SNX24: variants seen among roughly 807,000 people sequenced by gnomAD.
SNX24 encodes the protein sorting nexin-24.
In SNX24, 22 loss-of-function variants were observed where a neutral mutation model predicts 28.7. The ratio of observed to expected loss-of-function variants is 0.77; its 90% confidence interval spans 0.55 to 1.10. SNX24 has a LOEUF of 1.10. SNX24 is among the 50% of genes least tolerant of loss of function. The pLI is 0.00. For missense variants in SNX24, 221 were observed against 201.1 expected, an observed-to-expected ratio of 1.10 and a Z score of -0.60; for synonymous variants, 69 against 71.5, an observed-to-expected ratio of 0.96 and a Z score of 0.18.
At chr5:122,913,944 C>T (rs1758040580) in intron 1 of SNX24, among the ~76,000 whole-genome samples, 1 of 152,200 alleles carries the variant, frequency 6.6e-6, no homozygotes, top group Non-Finnish European at 1.5e-5. Flanking sequence ...CCCGTCTCCA[C>T]CAAAAAATTA....
chr5:122,959,007 C>T (rs1456040110), intron 3 of SNX24, among the ~76,000 whole-genome samples: 1 of 152,074 alleles, frequency 6.6e-6, no homozygotes, highest in African/African-American at 2.4e-5. Flanking sequence ...TGCTGGCTAC[C>T]TAGAATGCGT....
At chr5:122,935,193 C>T (rs1759130519) in intron 1 of SNX24, among the ~76,000 whole-genome samples, 1 of 152,100 alleles carries the variant, frequency 6.6e-6, no homozygotes, top group African/African-American at 2.4e-5. Flanking sequence ...TGCTACATAT[C>T]GTCCTGATTT....
At chr5:123,022,151 A>G (rs41401550) in intron 5 of SNX24, among the ~76,000 whole-genome samples, 2,140 of 152,144 alleles carry the variant, frequency 0.014, 46 homozygotes, top group African/African-American at 0.049. Context: ...CCATTGTTGT[A>G]TCCCCAAAAG....
At chr5:122,924,959 C>T (rs3897978) in intron 1 of SNX24, among the ~76,000 whole-genome samples, 42,258 of 150,860 alleles carry the variant, frequency 0.28, 6,488 homozygotes, top group Admixed American at 0.35. Flanking sequence ...CTTCCCTCCC[C>T]ACTCTTCCCT....
intron 3 of SNX24, among the ~76,000 whole-genome samples, chr5:122,996,035 T>C (rs1024393843): frequency 3.3e-5 from 5 of 152,210 alleles, no homozygotes; most frequent in Admixed American, 2.6e-4. Flanking sequence ...TAGAATAATA[T>C]ATAGAAGACA....
downstream of SNX24, among the ~76,000 whole-genome samples, chr5:123,011,020 G>T (rs911274892): frequency 1.3e-5 from 2 of 152,024 alleles, no homozygotes; most frequent in African/African-American, 4.8e-5. Flanking sequence ...GGCCCATATT[G>T]CTCTACAGGT....
chr5:122,956,874 T>C lies in SNX24; in HGVS notation c.249+10715T>C, dbSNP rs183074961. ...CTTCAAGTCCTTTGCCATTGTTTAA[T>C]TGGGTGGTTTTTTTTTCATTGTTGA... is the stretch of plus-strand genomic sequence containing the variant. On this transcript the variant is annotated intron_variant, in intron 3 of 6. Coordinates refer to ENST00000261369, the MANE Select transcript of SNX24 (RefSeq NM_014035.4). Among the ~76,000 whole-genome samples the C allele has an allele frequency of 1.3e-3, 197 of 152,304 alleles. 1 individual carries two copies. The highest frequency in any genetic ancestry group is 4.6e-3 in the African/African-American group (193 of 41,566).
chr5:123,002,817 A>G (rs1178861222), intron 6 of SNX24, among the ~76,000 whole-genome samples: 3 of 152,212 alleles, frequency 2.0e-5, no homozygotes, highest in African/African-American at 7.2e-5. Flanking sequence ...GTCCCTCTCA[A>G]AGTGTTCTGT....
intron 3 of SNX24, among the ~76,000 whole-genome samples, chr5:122,973,783 C>T (rs1224775971): frequency 2.0e-5 from 3 of 152,226 alleles, no homozygotes; most frequent in Non-Finnish European, 2.9e-5. Flanking sequence ...AGCCAAGTAA[C>T]AGGCCAAGAG....
intron 3 of SNX24, among the ~76,000 whole-genome samples, chr5:122,998,993 A>G (rs62377430): frequency 0.23 from 33,789 of 149,414 alleles, 4,799 homozygotes; most frequent in Non-Finnish European, 0.33. Flanking sequence ...GAATAGTTGT[A>G]TTGAAGTCAG....
chr5:122,911,448 T>G (rs1365751126), intron 1 of SNX24, among the ~76,000 whole-genome samples: 1 of 152,082 alleles, frequency 6.6e-6, no homozygotes, highest in Non-Finnish European at 1.5e-5. Flanking sequence ...TAGTTTCTTT[T>G]GCTGTGCAGA....
chr5:122,847,333 C>T (rs923815515), intron 1 of SNX24, among the ~76,000 whole-genome samples: 5 of 152,082 alleles, frequency 3.3e-5, no homozygotes, highest in African/African-American at 1.2e-4. Context: ...CAGGCATGTG[C>T]CACACTCCAG....
chr5:123,021,302 C>T (rs1358226951), intron 5 of SNX24, among the ~76,000 whole-genome samples: 1 of 152,184 alleles, frequency 6.6e-6, no homozygotes, highest in Admixed American at 6.5e-5. Flanking sequence ...CTATCCCACC[C>T]TACAATATTG....
At chr5:122,855,444 G>A (rs154516) in intron 1 of SNX24, among the ~76,000 whole-genome samples, 94,150 of 151,624 alleles carry the variant, frequency 0.62, 30,146 homozygotes, top group African/African-American at 0.78. Flanking sequence ...TGTAGCATGT[G>A]ATGCTGTTTG....
intron 3 of SNX24, among the ~76,000 whole-genome samples, chr5:122,981,935 A>G (rs1314974983): frequency 1.3e-5 from 2 of 152,242 alleles, no homozygotes; most frequent in African/African-American, 2.4e-5. Flanking sequence ...GGTTATGGCT[A>G]TATCTTAAAA....
chr5:123,008,666 C>A lies in SNX24; in HGVS notation c.*917C>A. Reference sequence around the variant, plus strand: ...GACAAGGAGTGAAGCGCCCACCCAGCGGATGGACAGCACCCACCTGGGTTT... The same window carrying A: ...GACAAGGAGTGAAGCGCCCACCCAGAGGATGGACAGCACCCACCTGGGTTT... On this transcript the variant is annotated 3_prime_UTR_variant, in exon 7 of 7. Transcript: ENST00000261369. The A allele has an allele frequency of 5.9e-6, 1 of 170,118 alleles. No homozygotes were observed. The highest frequency in any genetic ancestry group is 1.2e-5 in the Non-Finnish European group (1 of 84,324). 10.5% of individuals were successfully genotyped at this position (170,118 alleles called of 1,614,324 possible).
At chr5:122,872,740 TCA>T (rs1756039075) in intron 1 of SNX24, among the ~76,000 whole-genome samples, 1 of 152,128 alleles carries the variant, frequency 6.6e-6, no homozygotes, top group Non-Finnish European at 1.5e-5. Flanking sequence ...TGTTTTCTAT[TCA>T]CAGTCGGTTG....
At chr5:123,006,502 C>G (rs1048643814) in intron 6 of SNX24, among the ~76,000 whole-genome samples, 2 of 152,226 alleles carry the variant, frequency 1.3e-5, no homozygotes, top group African/African-American at 4.8e-5. Flanking sequence ...TTGAACTTCT[C>G]CAGTCCATTC....
At chr5:122,878,295 G>A (rs1028812069) in intron 1 of SNX24, among the ~76,000 whole-genome samples, 8 of 152,076 alleles carry the variant, frequency 5.3e-5, no homozygotes, top group African/African-American at 1.7e-4. Flanking sequence ...ACCCAGTGGC[G>A]GTTCTAGAGA....
Sources: gnomAD v4.1 joint callset for allele counts (sites outside exome capture counted in the v4.1 genomes callset) on GRCh38, gnomAD v4.1.1 for gene constraint, MANE v1.5 for transcripts, NCBI Gene and HGNC (gene_info 2026-07-23, HGNC 2026-07-21) for gene names.